LIMS1: variants seen among roughly 807,000 people sequenced by gnomAD.
LIMS1 encodes the protein LIM and senescent cell antigen-like-containing domain protein 1.
Under a neutral mutation model 44.1 loss-of-function variants are expected in LIMS1, and 18 were observed. The ratio of observed to expected loss-of-function variants is 0.41; its 90% CI spans 0.28 to 0.61. The LOEUF (loss-of-function observed/expected upper bound fraction) is 0.61, where lower values mean the gene tolerates loss of function less well. Among genes scored for constraint, LIMS1 ranks in the 20% least tolerant of loss-of-function variants. The pLI is 0.32. For synonymous variants in LIMS1, 93 were observed against 149.1 expected, an observed-to-expected ratio of 0.62 and a Z score of 2.74; for missense variants, 201 against 422.0, an observed-to-expected ratio of 0.48 and a Z score of 4.59.
chr2:108,592,691 A>G (rs1361757743), intron 1 of LIMS1, among the ~76,000 whole-genome samples: 1 of 152,186 alleles, frequency 6.6e-6, no homozygotes, highest in Non-Finnish European at 1.5e-5. Flanking sequence ...TTATCCTTGA[A>G]ATACTGTGGT....
At chr2:108,536,112 G>A (rs966725181) in intron 1 of LIMS1, among the ~76,000 whole-genome samples, 1 of 152,184 alleles carries the variant, frequency 6.6e-6, no homozygotes, top group Admixed American at 6.5e-5. Flanking sequence ...GGAGATAATA[G>A]TTTCCTTTTA....
chr2:108,546,092 A>G (rs1011742242), intron 1 of LIMS1, among the ~76,000 whole-genome samples: 1 of 152,180 alleles, frequency 6.6e-6, no homozygotes, highest in East Asian at 1.9e-4. Context: ...GCCTTAGCAT[A>G]TATCACTTTA....
chr2:108,673,752 G>C (rs575474404), intron 5 of LIMS1: 2 of 151,910 alleles, frequency 1.3e-5, no homozygotes, highest in Admixed American at 6.6e-5. Flanking sequence ...TCAACTATCA[G>C]TCCATATTAA....
chr2:108,568,149 T>G (rs973548711), intron 1 of LIMS1, among the ~76,000 whole-genome samples: 1 of 152,254 alleles, frequency 6.6e-6, no homozygotes, highest in African/African-American at 2.4e-5. Context: ...ACTTAACTCT[T>G]GTTTGTATCA....
chr2:108,682,031 T>C (rs753976534), intron 9 of LIMS1, among the ~76,000 whole-genome samples: 3 of 152,234 alleles, frequency 2.0e-5, no homozygotes, highest in Non-Finnish European at 4.4e-5. Flanking sequence ...ATTTCCTCAA[T>C]GTCTTCAAAC....
At chr2:108,628,623 G>A (rs775526657) in intron 1 of LIMS1, among the ~76,000 whole-genome samples, 10 of 152,024 alleles carry the variant, frequency 6.6e-5, no homozygotes, top group African/African-American at 1.9e-4. Context: ...GCACCACCAC[G>A]CCCAGCTAAT....
chr2:108,542,250 G>T (rs1278788364), intron 1 of LIMS1, among the ~76,000 whole-genome samples: 1 of 152,144 alleles, frequency 6.6e-6, no homozygotes, highest in South Asian at 2.1e-4. Flanking sequence ...AAATTCAGAT[G>T]ATATTTAGGC....
chr2:108,637,223 T>G, intron 1 of LIMS1, among the ~76,000 whole-genome samples: 1 of 151,882 alleles, frequency 6.6e-6, no homozygotes. Flanking sequence ...CAAAACATGT[T>G]CTGTGTCAAA....
intron 1 of LIMS1, among the ~76,000 whole-genome samples, chr2:108,617,845 G>A (rs1461323415): frequency 6.6e-6 from 1 of 152,206 alleles, no homozygotes; most frequent in African/African-American, 2.4e-5. Flanking sequence ...TCTCAGCTGG[G>A]ATGGGGGTGT....
intron 1 of LIMS1, among the ~76,000 whole-genome samples, chr2:108,595,449 CAG>C (rs1686629617): frequency 6.6e-6 from 1 of 152,178 alleles, no homozygotes; most frequent in South Asian, 2.1e-4. Flanking sequence ...TCCAGCAAAA[CAG>C]GGACCATCCT....
At chr2:108,590,526 A>G (rs1219413001) in intron 1 of LIMS1, among the ~76,000 whole-genome samples, 4 of 152,260 alleles carry the variant, frequency 2.6e-5, no homozygotes, top group East Asian at 3.8e-4. Flanking sequence ...AAATAACTAA[A>G]CATCAGGCCA....
intron 1 of LIMS1, among the ~76,000 whole-genome samples, chr2:108,573,439 ATACTT>A (rs1685557752): frequency 6.6e-6 from 1 of 152,184 alleles, no homozygotes; most frequent in South Asian, 2.1e-4. Context: ...TTGCTCTTGA[ATACTT>A]AACGATACAC....
At chr2:108,638,982 G>A (rs991072559) in intron 1 of LIMS1, among the ~76,000 whole-genome samples, 1 of 152,132 alleles carries the variant, frequency 6.6e-6, no homozygotes. Context: ...GGCGGAGCCT[G>A]CAGTGAGCAT....
chr2:108,541,940 T>G (rs915673931), intron 1 of LIMS1, among the ~76,000 whole-genome samples: 1 of 152,240 alleles, frequency 6.6e-6, no homozygotes, highest in African/African-American at 2.4e-5. Context: ...GTTTTATAGT[T>G]TTTTGTATAT....
rs550906705 is a variant in LIMS1, at chr2:108,681,011, C to T, written c.899+241C>T. Reference sequence around the variant, plus strand: ...TTGACCTAAAGCCAGTCTGCAAACACTGTTATGAGAAAATGCCAGAAGAAT... The same window carrying T: ...TTGACCTAAAGCCAGTCTGCAAACATTGTTATGAGAAAATGCCAGAAGAAT... On this transcript the variant is annotated intron_variant, in intron 9 of 9. Coordinates refer to ENST00000544547, the Ensembl canonical transcript of LIMS1. 4.7e-6 allele frequency: 6 copies of T among 1,278,594 alleles called. No homozygotes were observed. In the East Asian group the frequency reaches 1.5e-4, roughly 32 times the overall value. 79.2% of individuals were successfully genotyped at this position (1,278,594 alleles called of 1,614,324 possible).
chr2:108,581,950 AAC>A (rs1235723352), intron 1 of LIMS1, among the ~76,000 whole-genome samples: 4 of 150,858 alleles, frequency 2.7e-5, no homozygotes, highest in South Asian at 2.1e-4. Context: ...AAAAAAAAAA[AAC>A]AAACAAAAAA....
chr2:108,674,821 G>A (rs1174382647), intron 5 of LIMS1, among the ~76,000 whole-genome samples: 2 of 149,062 alleles, frequency 1.3e-5, no homozygotes, highest in Admixed American at 1.4e-4. Context: ...GCCTTATCTC[G>A]TTTTCTTGCC....
chr2:108,534,824 C>T lies in LIMS1; in HGVS notation c.32+230C>T, dbSNP rs909340945. Among the ~76,000 whole-genome samples, 4 of 152,146 alleles carry T rather than the reference C, an allele frequency of 2.6e-5. No homozygotes were observed. The East Asian group carries it at 7.7e-4, about 29-fold the overall frequency. On this transcript the variant is annotated intron_variant, in intron 1 of 9. Transcript: ENST00000544547. ...CCGGGTGTCCGCGGTGGCACAGGCG[C>T]TGACGCCGCCCCGCTGCTCCGAGAG...
chr2:108,680,540 TAAAAAAAAAAAAA>T (rs772500201), intron 8 of LIMS1, among the ~76,000 whole-genome samples, 142 bp from the exon 9 acceptor site: 7 of 81,586 alleles, frequency 8.6e-5, no homozygotes, highest in Non-Finnish European at 7.3e-5. Context: ...CTGTCTCATT[TAAAAAAAAAAAAA>T]AAAAAAAAAA....
Sources: allele counts gnomAD v4.1 joint callset (sites outside exome capture counted in the v4.1 genomes callset), GRCh38; gene constraint gnomAD v4.1.1; transcripts MANE v1.5; gene names NCBI Gene and HGNC (gene_info 2026-07-23, HGNC 2026-07-21).